The following NME7 variants were observed in gnomAD, a reference collection of about 807,000 sequenced individuals.
The protein encoded by NME7 is NME/NM23 family member 7.
NME7 carries 41 observed loss-of-function variants against 49.1 expected under a neutral mutation model. The observed-to-expected ratio is 0.83, with a 90% CI of 0.65 to 1.08. The LOEUF is 1.08. NME7 is among the 50% of genes least tolerant of loss of function. The probability of loss-of-function intolerance (pLI) is 0.00; values close to 1 mark genes in which losing one functional copy is unlikely to be tolerated. For missense variants in NME7, 423 were observed against 463.4 expected, an observed-to-expected ratio of 0.91 and a Z score of 0.80; for synonymous variants, 139 against 150.6, an observed-to-expected ratio of 0.92 and a Z score of 0.56.
At chr1:169,167,314 G>C (rs1197376831) in intron 11 of NME7, among the ~76,000 whole-genome samples, 3 of 151,896 alleles carry the variant, frequency 2.0e-5, no homozygotes, top group Admixed American at 6.6e-5. Flanking sequence ...AAAATATTTG[G>C]GGAAGGCTTT....
intron 7 of NME7, among the ~76,000 whole-genome samples, chr1:169,276,705 T>C (rs1334762509): frequency 7.5e-6 from 1 of 133,336 alleles, no homozygotes; most frequent in East Asian, 2.0e-4. Context: ...GCTCTGATCT[T>C]AGTTATTTCT....
intron 7 of NME7, among the ~76,000 whole-genome samples, chr1:169,264,600 C>T (rs1007906685): frequency 2.3e-5 from 3 of 132,668 alleles, no homozygotes; most frequent in Admixed American, 2.2e-4. Context: ...TACAGGTGCA[C>T]CCAGATTCAA....
rs550277769 is a variant in NME7, at chr1:169,277,172, G to A, written c.754+10131C>T. ...AAAATATGTATATTCTGTTGATTTG[G>A]GGTGGAGAGTTCTGTAGATGTCTAT... is the stretch of plus-strand genomic sequence containing the variant. On this transcript the variant is annotated intron_variant, in intron 7 of 11. Transcript: ENST00000367811. Among the ~76,000 whole-genome samples, 3 of 150,000 alleles carry A rather than the reference G, an allele frequency of 2.0e-5. No individual in the cohort carries two copies. The Admixed American group carries it at 2.0e-4, about 10-fold the overall frequency.
In NME7 at chr1:169,228,014, AG is replaced by A. The variant is rs1470532902; in HGVS notation, c.990+2703del. Among the ~76,000 whole-genome samples, 7 of 149,474 alleles carry A rather than the reference AG, an allele frequency of 4.7e-5. 1 individual carries two copies. The highest frequency in any genetic ancestry group is 2.7e-4 in the Admixed American group (4 of 14,864). ...ATATATATATAACAAAAATAAAGAT[AG>A]AAAAAAATATATAATTATGTGTGTA... On this transcript the variant is annotated intron_variant, in intron 10 of 11. Coordinates refer to ENST00000367811, the MANE Select transcript of NME7 (RefSeq NM_013330.5).
chr1:169,136,760 A>C lies in NME7; in HGVS notation c.1099-3943T>G, dbSNP rs563814479. On this transcript the variant is annotated intron_variant, in intron 11 of 11. Transcript: ENST00000367811. ...TAAATAAGAACAATAGCTTACATTT[A>C]TTTACTACTTTATAGTGCATAGTCT... 4.6e-5 allele frequency among the ~76,000 whole-genome samples: 7 copies of C among 152,308 alleles called. No individual in the cohort carries two copies. The South Asian group carries it at 1.5e-3, about 32-fold the overall frequency.
chr1:169,276,170 C>A lies in NME7; in HGVS notation c.754+11133G>T, dbSNP rs1378242083. On this transcript the variant is annotated intron_variant, in intron 7 of 11. Transcript: ENST00000367811. Reference sequence around the variant, plus strand: ...TCTCTTTTTTGGTTGTGTCTCTGCCCGACTTTGGTATCAGGATGATGCTGG... The same window carrying A: ...TCTCTTTTTTGGTTGTGTCTCTGCCAGACTTTGGTATCAGGATGATGCTGG... Among the ~76,000 whole-genome samples, 6 of 133,242 alleles carry A rather than the reference C, an allele frequency of 4.5e-5. 1 individual carries two copies. Among genetic ancestry groups the A allele is most frequent in the Admixed American group, 3.7e-4 (5 of 13,612 alleles). 87.4% of individuals were successfully genotyped at this position (133,242 alleles called of 152,430 possible).
chr1:169,240,935 T>C (rs1345357330), intron 7 of NME7, among the ~76,000 whole-genome samples: 1 of 152,098 alleles, frequency 6.6e-6, no homozygotes, highest in Admixed American at 6.6e-5. Flanking sequence ...TTTGATATGA[T>C]AGGCTTACTT....
chr1:169,197,489 T>C (rs12130764), intron 10 of NME7, among the ~76,000 whole-genome samples: 56,332 of 151,884 alleles, frequency 0.37, 11,013 homozygotes, highest in East Asian at 0.73. Flanking sequence ...AAAGATCAAA[T>C]GTACACATGG....
chr1:169,288,507 T>C (rs993581264), intron 6 of NME7, among the ~76,000 whole-genome samples: 3 of 152,166 alleles, frequency 2.0e-5, no homozygotes, highest in African/African-American at 4.8e-5. Context: ...ATAAGTAGAC[T>C]CGTGCAGTTC....
At chr1:169,237,810 T>C (rs1314161205) in intron 7 of NME7, 123 bp from the exon 8 acceptor site, 4 of 642,558 alleles carry the variant, frequency 6.2e-6, no homozygotes, top group Non-Finnish European at 1.1e-5. Context: ...AAAACACATA[T>C]TTTGCAAGAG....
At chr1:169,239,226 C>T (rs933729989) in intron 7 of NME7, among the ~76,000 whole-genome samples, 1 of 151,814 alleles carries the variant, frequency 6.6e-6, no homozygotes, top group Non-Finnish European at 1.5e-5. Flanking sequence ...CTTTTGAAAT[C>T]ATTTAGAATG....
intron 1 of NME7, among the ~76,000 whole-genome samples, chr1:169,329,711 G>C (rs1292425790): frequency 6.6e-6 from 1 of 152,050 alleles, no homozygotes; most frequent in African/African-American, 2.4e-5. Flanking sequence ...GCTGGAAAGG[G>C]CAAATCTAAG....
chr1:169,192,704 T>C (rs1490648911), intron 10 of NME7, among the ~76,000 whole-genome samples: 14 of 152,202 alleles, frequency 9.2e-5, no homozygotes, highest in Admixed American at 9.2e-4. Flanking sequence ...GGTATGGTTA[T>C]TGTGTGGAGA....
At chr1:169,212,852 C>T (rs1660867272) in intron 10 of NME7, among the ~76,000 whole-genome samples, 1 of 152,102 alleles carries the variant, frequency 6.6e-6, no homozygotes, top group Non-Finnish European at 1.5e-5. Context: ...TGGTCTCAAA[C>T]TCCTGGCTTC....
intron 1 of NME7, among the ~76,000 whole-genome samples, chr1:169,361,098 C>T (rs983598306): frequency 6.6e-6 from 1 of 152,006 alleles, no homozygotes; most frequent in Admixed American, 6.6e-5. Context: ...TGTATACCCA[C>T]CAGTTACCAG....
chr1:169,141,673 C>A (rs1038596967), intron 11 of NME7, among the ~76,000 whole-genome samples: 1 of 152,114 alleles, frequency 6.6e-6, no homozygotes, highest in African/African-American at 2.4e-5. Context: ...ATACTTCATA[C>A]ACATTTCAGT....
intron 1 of NME7, among the ~76,000 whole-genome samples, chr1:169,333,789 C>T (rs1652357031): frequency 6.6e-6 from 1 of 152,100 alleles, no homozygotes; most frequent in East Asian, 1.9e-4. Flanking sequence ...AGACACTGGA[C>T]TAAGCAGCCT....
At chr1:169,234,729 G>T (rs894116424) in intron 9 of NME7, among the ~76,000 whole-genome samples, 3 of 151,980 alleles carry the variant, frequency 2.0e-5, no homozygotes, top group African/African-American at 7.2e-5. Flanking sequence ...AGAGGGGGAA[G>T]AAAAAAGAAG....
intron 1 of NME7, among the ~76,000 whole-genome samples, chr1:169,325,761 C>G (rs528327629): frequency 6.6e-6 from 1 of 152,084 alleles, no homozygotes; most frequent in South Asian, 2.1e-4. Flanking sequence ...TATCCATAAA[C>G]TATAACGTAG....
Sources: allele counts gnomAD v4.1 joint callset (sites outside exome capture counted in the v4.1 genomes callset), GRCh38; gene constraint gnomAD v4.1.1; transcripts MANE v1.5; gene names NCBI Gene and HGNC (gene_info 2026-07-23, HGNC 2026-07-21).